Variants in MYH10 observed in about 807,000 individuals in gnomAD.
MYH10 encodes the protein myosin-10.
In MYH10, 55 loss-of-function variants were observed where a neutral mutation model predicts 257.8. That is an observed-to-expected ratio of 0.21 (90% CI 0.17 to 0.27). The LOEUF is 0.27. Among genes scored for constraint, MYH10 ranks in the 10% least tolerant of loss-of-function variants. The probability of loss-of-function intolerance (pLI) is 1.00; values close to 1 mark genes in which losing one functional copy is unlikely to be tolerated. For missense variants in MYH10, 1,631 were observed against 2,500.6 expected, an observed-to-expected ratio of 0.65 and a Z score of 7.42; for synonymous variants, 854 against 921.7, an observed-to-expected ratio of 0.93 and a Z score of 1.33.
At chr17:8,623,322 A>T (rs1477214287) in intron 1 of MYH10, 45 bp from the exon 2 acceptor site, 1 of 1,476,832 alleles carries the variant, frequency 6.8e-7, no homozygotes, top group African/African-American at 1.4e-5. Flanking sequence ...TAAGAAACAA[A>T]AGAATGTACA....
intron 4 of MYH10, among the ~76,000 whole-genome samples, chr17:8,583,876 G>A (rs1421366471): frequency 1.3e-5 from 2 of 152,118 alleles, no homozygotes; most frequent in Non-Finnish European, 2.9e-5. Context: ...CTCAAAAGGA[G>A]AAAACCAACT....
At position 8,509,967 on chromosome 17, in the gene MYH10, G is replaced by C. The variant is rs1319468884; in HGVS notation, c.2953-18C>G. ...TCCAGGTCCTTGTGAAGAACACACA[G>C]TCAGTCTCGCCACTTTCTCGAGATT... is the stretch of plus-strand genomic sequence containing the variant. On this transcript the variant is annotated intron_variant, in intron 24 of 42. Coordinates refer to ENST00000360416, the MANE Select transcript of MYH10 (RefSeq NM_001256012.3). 1 of 1,591,948 alleles carries C rather than the reference G, an allele frequency of 6.3e-7. No individual in the cohort carries two copies. The highest frequency in any genetic ancestry group is 8.5e-7 in the Non-Finnish European group (1 of 1,171,026).
chr17:8,504,662 C>T lies in MYH10; in HGVS notation c.3599+32G>A, dbSNP rs758012033. The T allele has an allele frequency of 1.3e-5, 21 of 1,596,258 alleles. No individual in the cohort carries two copies. The highest frequency in any genetic ancestry group is 2.1e-4 in the Middle Eastern group (1 of 4,720). Reference sequence around the variant, plus strand: ...CGGGCTCGGTGGAGAGGTCGGCAGGCGCCCGGGCCCTGCTTCCTCTCCCAC... The same window carrying T: ...CGGGCTCGGTGGAGAGGTCGGCAGGTGCCCGGGCCCTGCTTCCTCTCCCAC... On this transcript the variant is annotated intron_variant, in intron 28 of 42. Transcript: ENST00000360416. The surrounding 1 kb of genome is among the most constrained non-coding windows in gnomAD (Gnocchi z 5.6).
intron 3 of MYH10, among the ~76,000 whole-genome samples, chr17:8,596,072 G>A (rs904670349): frequency 2.6e-5 from 4 of 151,366 alleles, no homozygotes; most frequent in African/African-American, 4.9e-5. Flanking sequence ...AGTGTATTAG[G>A]CTCTCTTTTA....
chr17:8,542,148 C>T lies in MYH10; in HGVS notation c.1564G>A (p.Gly522Arg), dbSNP rs374910256. ...TCGATGCATGGCTGCAGATCCAGCC[C>T]GAAATCGATGAAGTTCCACTCGATG... ...EGIEWNFIDF[G>R]LDLQPCIDLI... Residue 522 changes from glycine to arginine, a missense_variant, in exon 14 of 43, where the codon GGG becomes AGG. By Grantham distance (125) the Gly-to-Arg change is moderately radical (BLOSUM62 -2). Coordinates refer to ENST00000360416, the MANE Select transcript of MYH10 (RefSeq NM_001256012.3). 1.2e-6 allele frequency: 2 copies of T among 1,613,984 alleles called. No homozygotes were observed. Among genetic ancestry groups the T allele is most frequent in the Non-Finnish European group, 1.7e-6 (2 of 1,180,020 alleles).
intron 7 of MYH10, among the ~76,000 whole-genome samples, chr17:8,568,131 C>T (rs2083221705): frequency 1.3e-5 from 2 of 152,158 alleles, no homozygotes; most frequent in African/African-American, 4.8e-5. Flanking sequence ...TCCAGATAAA[C>T]CTGCTTTTCC....
chr17:8,507,839 G>C (rs1248574201), intron 26 of MYH10, among the ~76,000 whole-genome samples: 1 of 152,114 alleles, frequency 6.6e-6, no homozygotes, highest in Admixed American at 6.5e-5. Flanking sequence ...GGTGTGGTTG[G>C]TGCATGCCTG....
intron 7 of MYH10, among the ~76,000 whole-genome samples, chr17:8,556,943 T>C (rs1475994650): frequency 6.6e-6 from 1 of 152,236 alleles, no homozygotes; most frequent in Non-Finnish European, 1.5e-5. Context: ...GTATTTACTA[T>C]AAACATATTA....
chr17:8,489,399 C>T lies in MYH10; in HGVS notation c.4884+941G>A, dbSNP rs1261906096. Among the ~76,000 whole-genome samples, 4 of 152,228 alleles carry T rather than the reference C, an allele frequency of 2.6e-5. No individual in the cohort carries two copies. The East Asian group carries it at 7.7e-4, about 29-fold the overall frequency. The stretch of plus-strand genomic sequence containing the variant: ...GTGGAGTGAAAATAACAAAATAAAG[C>T]AAAATTCAGTAATTCCAAATCTGGC... On this transcript the variant is annotated intron_variant, in intron 35 of 42. Coordinates refer to ENST00000360416, the MANE Select transcript of MYH10 (RefSeq NM_001256012.3).
intron 9 of MYH10, among the ~76,000 whole-genome samples, chr17:8,551,788 T>C (rs2082650800): frequency 6.6e-6 from 1 of 152,202 alleles, no homozygotes; most frequent in Non-Finnish European, 1.5e-5. Flanking sequence ...ATACGCATCA[T>C]TTGTCTTCTA....
chr17:8,490,631 GC>G lies in MYH10; in HGVS notation c.4672-80del. On this transcript the variant is annotated intron_variant, in intron 34 of 42. Transcript: ENST00000360416. This position sits in a 1 kb window ranked among gnomAD's most constrained non-coding sequence, Gnocchi z 4.1. The stretch of plus-strand genomic sequence containing the variant: ...GAACAGCAGTCTTACTGTTTTACAG[GC>G]CCACTCGTGGCATGCTGGCCACTTT... 1 of 1,448,636 alleles carries G rather than the reference GC, an allele frequency of 6.9e-7. No individual in the cohort carries two copies. Among genetic ancestry groups the G allele is most frequent in the Non-Finnish European group, 9.6e-7 (1 of 1,037,160 alleles). The allele number at this position is 1,448,636 out of a possible 1,614,324, so 89.7% of individuals were successfully genotyped here. A position where few individuals can be genotyped will look rare whatever the true frequency, so the allele number is the denominator to read the frequency against.
intron 4 of MYH10, among the ~76,000 whole-genome samples, chr17:8,578,091 C>T (rs2083566796): frequency 6.6e-6 from 1 of 152,116 alleles, no homozygotes; most frequent in African/African-American, 2.4e-5. Flanking sequence ...ATCTTCAAAG[C>T]CACTGAAAGC....
rs1056389290 is a variant in MYH10, at chr17:8,623,380, CTG to C, written c.-31-105_-31-104del. ...TAAAACCTTAGATTAAGCATTAACT[CTG>C]TGTTAAGGAGCTGGGGTATACCTCT... is the stretch of plus-strand genomic sequence containing the variant. On this transcript the variant is annotated intron_variant, in intron 1 of 42. Coordinates refer to ENST00000360416, the MANE Select transcript of MYH10 (RefSeq NM_001256012.3). The C allele has an allele frequency of 1.1e-4, 132 of 1,200,658 alleles. No homozygotes were observed. In the African/African-American group the frequency reaches 1.7e-3, roughly 15 times the overall value. The allele number at this position is 1,200,658 out of a possible 1,614,324, so 74.4% of individuals were successfully genotyped here. A position where few individuals can be genotyped will look rare whatever the true frequency, so the allele number is the denominator to read the frequency against.
At position 8,630,720 on chromosome 17, in the gene MYH10, C is replaced by G. The variant is rs543668973; in HGVS notation, c.-98G>C. The stretch of plus-strand genomic sequence containing the variant: ...CGACCACAGATCCAGCGCCTCAGTC[C>G]CAAACCCACCGCTGCCTCCGCCGGG... On this transcript the variant is annotated 5_prime_UTR_variant, in exon 1 of 43. Coordinates refer to ENST00000360416, the MANE Select transcript of MYH10 (RefSeq NM_001256012.3). 1 of 153,050 alleles carries G rather than the reference C, an allele frequency of 6.5e-6. No individual in the cohort carries two copies. The highest frequency in any genetic ancestry group is 1.5e-5 in the Non-Finnish European group (1 of 68,896). 9.5% of individuals were successfully genotyped at this position (153,050 alleles called of 1,614,324 possible).
chr17:8,596,207 CAGTGG>C (rs1473831908), intron 3 of MYH10, among the ~76,000 whole-genome samples: 1 of 148,106 alleles, frequency 6.8e-6, no homozygotes, highest in African/African-American at 2.5e-5. Context: ...AGCTGGAGTG[CAGTGG>C]CGCGATCTTG....
chr17:8,513,596 T>C lies in MYH10; in HGVS notation c.2687A>G (p.Lys896Arg), dbSNP rs2081367661. Residue 896 changes from lysine to arginine, a missense_variant, in exon 23 of 43, where the codon AAG (lysine) becomes AGG (arginine). Physicochemically the swap from Lys to Arg is conservative, Grantham distance 26. Transcript: ENST00000360416. ...TCCTTCCACCTTCGTCTGCTTCTCC[T>C]TCACCTTCAACAGCTCTTCATCTTT... The part of the protein sequence containing the change: ...QAKDEELLKV[K>R]EKQTKVEGEL... 1 of 1,614,182 alleles carries C rather than the reference T, an allele frequency of 6.2e-7. No homozygotes were observed. The highest frequency in any genetic ancestry group is 1.7e-5 in the Admixed American group (1 of 60,020).
At chr17:8,513,389 C>A in intron 23 of MYH10, 149 bp downstream of exon 23, 1 of 1,261,530 alleles carries the variant, frequency 7.9e-7, no homozygotes, top group South Asian at 1.7e-5. Flanking sequence ...AAAATATATA[C>A]AATTTGGAAA....
intron 7 of MYH10, among the ~76,000 whole-genome samples, chr17:8,568,188 G>A (rs2083224093): frequency 6.6e-6 from 1 of 152,206 alleles, no homozygotes; most frequent in Admixed American, 6.5e-5. Flanking sequence ...GTGGCACGCA[G>A]CCGAACTTGG....
At position 8,521,305 on chromosome 17, in the gene MYH10, A is replaced by G; in HGVS notation, c.1958-20T>C. 2 of 1,611,098 alleles carry G rather than the reference A, an allele frequency of 1.2e-6. No homozygotes were observed. Among genetic ancestry groups the G allele is most frequent in the African/African-American group, 2.7e-5 (2 of 75,008 alleles). On this transcript the variant is annotated intron_variant, in intron 17 of 42. Transcript: ENST00000360416. ...GGTCCACTGGGGAGAAGAAAGGAGAAAACAAATATAAGCCAAACCTCACTC... is the reference window on the plus strand; with the variant it reads ...GGTCCACTGGGGAGAAGAAAGGAGAGAACAAATATAAGCCAAACCTCACTC...
Sources: allele counts gnomAD v4.1 joint callset (sites outside exome capture counted in the v4.1 genomes callset), GRCh38; gene constraint gnomAD v4.1.1; non-coding constraint Gnocchi (gnomAD v3.1); transcripts MANE v1.5; gene names NCBI Gene and HGNC (gene_info 2026-07-23, HGNC 2026-07-21).